Variants in ADGRV1 observed in about 807,000 individuals in gnomAD.
The protein encoded by ADGRV1 is adhesion G protein-coupled receptor V1.
ADGRV1 carries 359 observed loss-of-function variants against 596.2 expected under a neutral mutation model. The observed-to-expected ratio is 0.60, with a 90% confidence interval of 0.55 to 0.66. The LOEUF is 0.66. ADGRV1 is among the 30% of genes least tolerant of loss of function. The pLI is 0.00. For missense variants in ADGRV1, 7,274 were observed against 7,575.6 expected, an observed-to-expected ratio of 0.96 and a Z score of 1.48; for synonymous variants, 2,681 against 2,679.2, an observed-to-expected ratio of 1.00 and a Z score of -0.02.
At position 90,725,532 on chromosome 5, in the gene ADGRV1, C is replaced by T. The variant is rs750815819; in HGVS notation, c.10054-17C>T. 2 of 1,289,146 alleles carry T rather than the reference C, an allele frequency of 1.6e-6. No homozygotes were observed. The highest frequency in any genetic ancestry group is 1.1e-6 in the Non-Finnish European group (1 of 886,120). 79.9% of individuals were successfully genotyped at this position (1,289,146 alleles called of 1,614,324 possible). On this transcript the variant is annotated splice_polypyrimidine_tract_variant and intron_variant, in intron 47 of 89. Coordinates refer to ENST00000405460, the MANE Select transcript of ADGRV1 (RefSeq NM_032119.4). ...TCAACTCTCCTTTAAGTTTTCATTC[C>T]CACTCTGTCCTTGCAGGTACAAACA...
At chr5:91,056,485 GAGA>G (rs1786872349) in intron 85 of ADGRV1, among the ~76,000 whole-genome samples, 1 of 151,624 alleles carries the variant, frequency 6.6e-6, no homozygotes, top group African/African-American at 2.4e-5. Context: ...CATAGAATAC[GAGA>G]AGATGACACT....
At chr5:90,851,134 T>TGTGTGTGTGTGAGTGTGTGAGA (rs757909771) in intron 79 of ADGRV1, among the ~76,000 whole-genome samples, 2 of 81,448 alleles carry the variant, frequency 2.5e-5, no homozygotes. Flanking sequence ...TGTGTGTGTG[T>TGTGTGTGTGTGAGTGTGTGAGA]GAGAGAGAGA....
chr5:90,823,565 G>A lies in ADGRV1; in HGVS notation c.16337G>A (p.Cys5446Tyr), dbSNP rs1385789921. ...ACCTGTACAATGGGTCAAACAAAATGCTTTATCAGCATTGAACTCAAACCA... is the reference window on the plus strand; with the variant it reads ...ACCTGTACAATGGGTCAAACAAAATACTTTATCAGCATTGAACTCAAACCA... ...TTTCTMGQTK[C>Y]FISIELKPEK... Residue 5446 changes from cysteine (C) to tyrosine (Y), a missense_variant, in exon 76 of 90, where the codon TGC becomes TAC. By Grantham distance (194) the Cys-to-Tyr change is radical. Transcript: ENST00000405460. 2 of 1,613,780 alleles carry A rather than the reference G, an allele frequency of 1.2e-6. No individual in the cohort carries two copies. The highest frequency in any genetic ancestry group is 2.7e-5 in the African/African-American group (2 of 74,918).
At chr5:90,720,439 G>A (rs560324024) in intron 44 of ADGRV1, among the ~76,000 whole-genome samples, 2 of 152,248 alleles carry the variant, frequency 1.3e-5, no homozygotes, top group East Asian at 3.9e-4. Flanking sequence ...GGTGTTATTA[G>A]AATTCTTATT....
chr5:90,570,782 T>G (rs553955666), intron 1 of ADGRV1, among the ~76,000 whole-genome samples: 1 of 152,038 alleles, frequency 6.6e-6, no homozygotes, highest in African/African-American at 2.4e-5. Flanking sequence ...TTTTTTAAAC[T>G]ATCTTTTTGA....
chr5:90,879,672 C>T lies in ADGRV1; in HGVS notation c.17856+15815C>T, dbSNP rs1769568620. 2.0e-5 allele frequency among the ~76,000 whole-genome samples: 3 copies of T among 151,982 alleles called. No homozygotes were observed. In the South Asian group the frequency reaches 6.2e-4, roughly 32 times the overall value. ...TTTAATTTAAATTATTTTGGCCAGG[C>T]ACAATGGCTTGTGCCTGTAATCCCG... On this transcript the variant is annotated intron_variant, in intron 83 of 89. Coordinates refer to ENST00000405460, the MANE Select transcript of ADGRV1 (RefSeq NM_032119.4).
At chr5:90,932,246 T>TA (rs1156569278) in intron 83 of ADGRV1, among the ~76,000 whole-genome samples, 2 of 152,150 alleles carry the variant, frequency 1.3e-5, no homozygotes, top group Non-Finnish European at 2.9e-5. Context: ...CATTTTCGTG[T>TA]AAAAGGTACT....
chr5:90,564,751 C>T (rs1251188589), intron 1 of ADGRV1, among the ~76,000 whole-genome samples: 4 of 88,138 alleles, frequency 4.5e-5, no homozygotes, highest in Non-Finnish European at 6.7e-5. Flanking sequence ...CTCAGCCTCC[C>T]GAGTAGCTGG....
In ADGRV1 at chr5:90,753,925, A is replaced by G. The variant is rs1281941440; in HGVS notation, c.11377+96A>G. The G allele has an allele frequency of 3.1e-6, 4 of 1,277,634 alleles. No homozygotes were observed. In the African/African-American group the frequency reaches 4.5e-5, roughly 14 times the overall value. 79.1% of individuals were successfully genotyped at this position (1,277,634 alleles called of 1,614,324 possible). On this transcript the variant is annotated intron_variant, in intron 54 of 89. Coordinates refer to ENST00000405460, the MANE Select transcript of ADGRV1 (RefSeq NM_032119.4). ...AAGGAATGTAAATTTCTCTTTTTATATGACTTTTTCAGTTTGGCAGGTCAT... is the reference window on the plus strand; with the variant it reads ...AAGGAATGTAAATTTCTCTTTTTATGTGACTTTTTCAGTTTGGCAGGTCAT...
In ADGRV1 at chr5:90,903,419, A is replaced by G. The variant is rs114724657; in HGVS notation, c.17856+39562A>G. Among the ~76,000 whole-genome samples, 1,445 of 152,134 alleles carry G rather than the reference A, an allele frequency of 9.5e-3. 22 individuals are homozygous for G. The highest frequency in any genetic ancestry group is 0.033 in the African/African-American group (1,365 of 41,554). ...ATATTTATCTCTTTAAAATGGGACA[A>G]TTATACTAGTCCCCTACCAGTTTAA... On this transcript the variant is annotated intron_variant, in intron 83 of 89. Coordinates refer to ENST00000405460, the MANE Select transcript of ADGRV1 (RefSeq NM_032119.4).
Position 90,684,068 on chromosome 5 carries a change from T to C in ADGRV1, c.6147T>C (p.Phe2049=), listed in dbSNP as rs375907956. The stretch of plus-strand genomic sequence containing the variant: ...TACCAGCTTCTGGATTTGCTCTTTT[T>C]GGAGCTAATCAGAGTGAGGCAACAA... ...DYIPASGFAL[F]GANQSEATIA... The change falls in exon 28 of 90, where the codon TTT becomes TTC. Residue 2049 remains phenylalanine, a synonymous_variant. Coordinates refer to ENST00000405460, the MANE Select transcript of ADGRV1 (RefSeq NM_032119.4). 5 of 1,613,884 alleles carry C rather than the reference T, an allele frequency of 3.1e-6. No individual in the cohort carries two copies. In the African/African-American group the frequency reaches 6.7e-5, roughly 22 times the overall value.
At chr5:91,149,279 A>T (rs1465488320) in intron 87 of ADGRV1, among the ~76,000 whole-genome samples, 1 of 152,204 alleles carries the variant, frequency 6.6e-6, no homozygotes, top group African/African-American at 2.4e-5. Context: ...CTTGAATTAT[A>T]ATAATCCCCA....
chr5:91,057,470 T>A (rs1298226795), intron 85 of ADGRV1, among the ~76,000 whole-genome samples: 1 of 152,206 alleles, frequency 6.6e-6, no homozygotes, highest in Non-Finnish European at 1.5e-5. Context: ...AGAAAGTGCA[T>A]AAGGAGACAG....
intron 59 of ADGRV1, among the ~76,000 whole-genome samples, chr5:90,768,475 C>T (rs910613458): frequency 6.6e-6 from 1 of 152,186 alleles, no homozygotes; most frequent in Non-Finnish European, 1.5e-5. Context: ...TTAGTATTCA[C>T]ATTGGCAATA....
At chr5:90,718,707 A>T (rs977638473) in intron 43 of ADGRV1, among the ~76,000 whole-genome samples, 3 of 151,902 alleles carry the variant, frequency 2.0e-5, no homozygotes, top group South Asian at 2.1e-4. Flanking sequence ...TATATATATA[A>T]AAATTCAAAT....
In ADGRV1 at chr5:90,849,475, C is replaced by T. The variant is rs112606385; in HGVS notation, c.17204+654C>T. The stretch of plus-strand genomic sequence containing the variant: ...CGGGGTCTCGGCTCACTTCAACCTC[C>T]GCCTCCTAGGCTTGGGTGATTCTCT... On this transcript the variant is annotated intron_variant, in intron 79 of 89. Transcript: ENST00000405460. 5.2e-3 allele frequency among the ~76,000 whole-genome samples: 791 copies of T among 152,228 alleles called. 9 individuals carry two copies. The highest frequency in any genetic ancestry group is 0.018 in the African/African-American group (749 of 41,528).
At position 90,650,343 on chromosome 5, in the gene ADGRV1, A is replaced by C. The variant is rs548215005; in HGVS notation, c.3290-1261A>C. ...CATTACAAATGCATATGATAATAGA[A>C]CCCTGCCAAAATTAGGTTTTATTAT... is the stretch of plus-strand genomic sequence containing the variant. On this transcript the variant is annotated intron_variant, in intron 17 of 89. Coordinates refer to ENST00000405460, the MANE Select transcript of ADGRV1 (RefSeq NM_032119.4). 1.3e-4 allele frequency among the ~76,000 whole-genome samples: 20 copies of C among 152,222 alleles called. No homozygotes were observed. The East Asian group carries it at 3.9e-3, about 29-fold the overall frequency.
At chr5:90,613,687 A>G (rs1580452538) in intron 1 of ADGRV1, among the ~76,000 whole-genome samples, 2 of 152,194 alleles carry the variant, frequency 1.3e-5, no homozygotes, top group East Asian at 1.9e-4. Flanking sequence ...TGGATTTTAG[A>G]GTCAGAAGTG....
chr5:90,794,425 T>C (rs925274873), intron 70 of ADGRV1, among the ~76,000 whole-genome samples: 3 of 152,196 alleles, frequency 2.0e-5, no homozygotes, highest in Non-Finnish European at 4.4e-5. Flanking sequence ...AAATACTTTT[T>C]CAGAATGCAA....
Sources: allele counts gnomAD v4.1 joint callset (sites outside exome capture counted in the v4.1 genomes callset), GRCh38; gene constraint gnomAD v4.1.1; transcripts MANE v1.5; gene names NCBI Gene and HGNC (gene_info 2026-07-23, HGNC 2026-07-21).